The following CELSR3 variants were observed in gnomAD, a reference collection of about 807,000 sequenced individuals.
CELSR3 encodes the protein EGF-like protein 1.
A neutral mutation model predicts 270.0 loss-of-function variants in CELSR3; 73 were observed. That is an observed-to-expected ratio of 0.27 (90% confidence interval 0.22 to 0.33). The LOEUF (loss-of-function observed/expected upper bound fraction) is 0.33. Ranked by LOEUF, CELSR3 falls within the 10% of genes least tolerant of loss-of-function variation. The probability of loss-of-function intolerance (pLI) is 1.00; values close to 1 mark genes in which losing one functional copy is unlikely to be tolerated. For missense variants in CELSR3, 3,614 were observed against 4,533.8 expected (o/e 0.80, Z 5.83); for synonymous variants, 1,780 against 1,905.4 (o/e 0.93, Z 1.71).
rs776027153 is a variant in CELSR3, at chr3:48,653,181, G to A, written c.5455C>T (p.Arg1819Trp). 13 of 1,613,000 alleles carry A rather than the reference G, an allele frequency of 8.1e-6. No homozygotes were observed. The highest frequency in any genetic ancestry group is 6.6e-5 in the South Asian group (6 of 91,070). ...PHSTLLCQLD[R>W]GLLSVTVTRG... ...GTCACTGTCACAGACAGTAACCCCC[G>A]ATCTAGCTGTGGGCAGAGATGCATA... The change falls in exon 10 of 35, where the codon CGG becomes TGG. Residue 1819 changes from arginine (R) to tryptophan (W), a missense_variant. Coordinates refer to ENST00000164024, the MANE Select transcript of CELSR3 (RefSeq NM_001407.3). This position sits in a 1 kb window ranked among gnomAD's most constrained non-coding sequence, Gnocchi z 6.5.
rs1184321244 is a variant in CELSR3, at chr3:48,648,906, T to C, written c.6590A>G (p.Lys2197Arg). The change falls in exon 18 of 35, where the codon AAG becomes AGG. Residue 2197 changes from lysine to arginine, a missense_variant. Transcript: ENST00000164024. Reference sequence around the variant, plus strand: ...GGCCTCCATGGTATCCAGTGCCGTCTTGTTCAGCTCTAGGCCATCCAGCTG... The same window carrying C: ...GGCCTCCATGGTATCCAGTGCCGTCCTGTTCAGCTCTAGGCCATCCAGCTG... ...SLLLDGLELN[K>R]TALDTMEAKK... 6.2e-7 allele frequency: 1 copy of C among 1,612,838 alleles called. No individual in the cohort carries two copies. Among genetic ancestry groups the C allele is most frequent in the South Asian group, 1.1e-5 (1 of 91,082 alleles).
intron 16 of CELSR3, among the ~76,000 whole-genome samples, chr3:48,649,438 C>T (rs1476540416): frequency 6.6e-6 from 1 of 152,242 alleles, no homozygotes; most frequent in Non-Finnish European, 1.5e-5. Flanking sequence ...CCAGCAACCA[C>T]ACAAAGCACA....
chr3:48,661,751 G>A lies in CELSR3; in HGVS notation c.884C>T (p.Pro295Leu), dbSNP rs1481692948. The change falls in exon 1 of 35, where the codon CCC becomes CTC. Residue 295 changes from proline to leucine, a missense_variant. Transcript: ENST00000164024. Reference sequence around the variant, plus strand: ...TTCAGGACGGGCCGGGAGTCCCGGGGGACGCGGCCCGGGGCGCTGCGGGAG... The same window carrying A: ...TTCAGGACGGGCCGGGAGTCCCGGGAGACGCGGCCCGGGGCGCTGCGGGAG... ...RFLPQRPGPRPPGLPARPEAR... is the reference protein window; with the variant it reads ...RFLPQRPGPRLPGLPARPEAR... The A allele has an allele frequency of 6.3e-7, 1 of 1,586,214 alleles. No individual in the cohort carries two copies. The highest frequency in any genetic ancestry group is 1.3e-5 in the African/African-American group (1 of 74,086).
chr3:48,661,772 G>T lies in CELSR3; in HGVS notation c.863C>A (p.Pro288Gln). Residue 288 changes from proline to glutamine, a missense_variant, in exon 1 of 35, where the codon CCG becomes CAG. This residue lies in a region of CELSR3 where 470 missense variants were observed against 469.7 expected (regional missense o/e 1.00). Transcript: ENST00000164024. Reference sequence around the variant, plus strand: ...CGGGGGACGCGGCCCGGGGCGCTGCGGGAGGAAGCGGCAGCGGAAGAGACC... The same window carrying T: ...CGGGGGACGCGGCCCGGGGCGCTGCTGGAGGAAGCGGCAGCGGAAGAGACC... Reference protein sequence around the residue: ...SRGLFRCRFLPQRPGPRPPGL... With the variant: ...SRGLFRCRFLQQRPGPRPPGL... The T allele has an allele frequency of 1.3e-6, 2 of 1,599,886 alleles. No homozygotes were observed. The highest frequency in any genetic ancestry group is 1.7e-5 in the Admixed American group (1 of 58,180).
intron 28 of CELSR3, 59 bp from the exon 29 acceptor site, chr3:48,643,142 G>T (rs2047045367): frequency 9.0e-7 from 1 of 1,115,674 alleles, no homozygotes; most frequent in Non-Finnish European, 1.4e-6. Context: ...ACCAGTATAA[G>T]TCACTGTGGG....
Position 48,662,781 on chromosome 3 carries a change from G to T in CELSR3, c.-147C>A. ...TCTCTCCGCACCCCCGCCGCCCTCT[G>T]GGCACCATCTACTCCGCGGCCGGAG... On this transcript the variant is annotated 5_prime_UTR_variant, in exon 1 of 35. Coordinates refer to ENST00000164024, the MANE Select transcript of CELSR3 (RefSeq NM_001407.3). This position sits in a 1 kb window ranked among gnomAD's most constrained non-coding sequence, Gnocchi z 7.1. 1 of 308,658 alleles carries T rather than the reference G, an allele frequency of 3.2e-6. No homozygotes were observed. 19.1% of individuals were successfully genotyped at this position (308,658 alleles called of 1,614,324 possible). A position where few individuals can be genotyped will look rare whatever the true frequency, so the allele number is the denominator to read the frequency against.
At position 48,640,899 on chromosome 3, in the gene CELSR3, G is replaced by C; in HGVS notation, c.9026-340C>G. 2 of 432,386 alleles carry C rather than the reference G, an allele frequency of 4.6e-6. No homozygotes were observed. Among genetic ancestry groups the C allele is most frequent in the South Asian group, 7.5e-5 (2 of 26,798 alleles). 26.8% of individuals were successfully genotyped at this position (432,386 alleles called of 1,614,324 possible). On this transcript the variant is annotated intron_variant, in intron 33 of 34. Coordinates refer to ENST00000164024, the MANE Select transcript of CELSR3 (RefSeq NM_001407.3). This position sits in a 1 kb window ranked among gnomAD's most constrained non-coding sequence, Gnocchi z 7.5. ...CCTGGCTGAAATGCAGGAACCCCCC[G>C]GGTTGGACAGGAGCAGTCCCCAGGT...
chr3:48,653,664 G>A lies in CELSR3; in HGVS notation c.5403C>T (p.Val1801=), dbSNP rs1264584149. Residue 1801 remains valine (V), a synonymous_variant, in exon 9 of 35, where the codon GTC becomes GTT. Coordinates refer to ENST00000164024, the MANE Select transcript of CELSR3 (RefSeq NM_001407.3). This position sits in a 1 kb window ranked among gnomAD's most constrained non-coding sequence, Gnocchi z 6.5. ...LAFRTRATQG[V]LMQVQAGPHS... ...GTGGCCCAGCCTGCACTTGCATCAG[G>A]ACCCCCTGCGTTGCCCGTGTCCGAA... 1 of 1,614,032 alleles carries A rather than the reference G, an allele frequency of 6.2e-7. No individual in the cohort carries two copies. Among genetic ancestry groups the A allele is most frequent in the East Asian group, 2.2e-5 (1 of 44,900 alleles).
rs747975744 is a variant in CELSR3, at chr3:48,640,484, G to A, written c.9101C>T (p.Ala3034Val). ...RGAPELSWCRAATLGHRAVPA... is the reference protein window; with the variant it reads ...RGAPELSWCRVATLGHRAVPA... ...CACAGCACGGTGGCCCAAGGTGGCT[G>A]CACGGCACCAGGACAGCTCAGGGGC... Residue 3034 changes from alanine to valine, a missense_variant, in exon 34 of 35, where the codon GCA (alanine) becomes GTA (valine). Physicochemically the swap from Ala to Val is moderately conservative, Grantham distance 64. Around this residue, in one of 7 missense-constraint regions of CELSR3, gnomAD observed 1,240 missense variants for 1,351.7 expected, o/e 0.92. Coordinates refer to ENST00000164024, the MANE Select transcript of CELSR3 (RefSeq NM_001407.3). This position sits in a 1 kb window ranked among gnomAD's most constrained non-coding sequence, Gnocchi z 7.5. 6.2e-7 allele frequency: 1 copy of A among 1,612,152 alleles called. No individual in the cohort carries two copies. Among genetic ancestry groups the A allele is most frequent in the Admixed American group, 1.7e-5 (1 of 59,984 alleles).
At position 48,656,769 on chromosome 3, in the gene CELSR3, G is replaced by T; in HGVS notation, c.4328C>A (p.Pro1443Gln). The change falls in exon 2 of 35, where the codon CCA becomes CAA. Residue 1443 changes from proline (P) to glutamine (Q), a missense_variant. This residue lies in a region of CELSR3 where 1,331 missense variants were observed against 1,933.7 expected (regional missense o/e 0.69). Coordinates refer to ENST00000164024, the MANE Select transcript of CELSR3 (RefSeq NM_001407.3). ...CGCGCAGGCTCCGCCGTTGCGACAT[G>T]GGTTGGAGTAGCAGAGGTCGAGCTC... ...ETELDLCYSNPCRNGGACARR... is the reference protein window; with the variant it reads ...ETELDLCYSNQCRNGGACARR... The T allele has an allele frequency of 6.4e-7, 1 of 1,570,884 alleles. No individual in the cohort carries two copies. The highest frequency in any genetic ancestry group is 8.6e-7 in the Non-Finnish European group (1 of 1,158,698).
Position 48,652,890 on chromosome 3 carries a change from C to G in CELSR3, c.5634+112G>C. The stretch of plus-strand genomic sequence containing the variant: ...TGGTGGGGAACTAGGGGTAGAACAT[C>G]AGACTCAGTGCAGTGGAGGGAACTG... On this transcript the variant is annotated intron_variant, in intron 10 of 34. Transcript: ENST00000164024. This position sits in a 1 kb window ranked among gnomAD's most constrained non-coding sequence, Gnocchi z 4.3. The G allele has an allele frequency of 1.1e-6, 1 of 914,280 alleles. No individual in the cohort carries two copies. Among genetic ancestry groups the G allele is most frequent in the South Asian group, 1.5e-5 (1 of 65,208 alleles). The allele number at this position is 914,280 out of a possible 1,614,324, so 56.6% of individuals were successfully genotyped here.
chr3:48,655,271 C>T lies in CELSR3; in HGVS notation c.4830+35G>A. 4 of 1,614,070 alleles carry T rather than the reference C, an allele frequency of 2.5e-6. No homozygotes were observed. The highest frequency in any genetic ancestry group is 3.4e-6 in the Non-Finnish European group (4 of 1,179,950). ...TGAGGAGCAGAAGTCAGCATCCCAA[C>T]TCCCCTCATACCCGATGCCAGGGAT... On this transcript the variant is annotated intron_variant, in intron 5 of 34. Transcript: ENST00000164024. The surrounding 1 kb of genome is among the most constrained non-coding windows in gnomAD (Gnocchi z 5.8).
Position 48,653,793 on chromosome 3 carries a change from G to A in CELSR3, c.5279-5C>T, listed in dbSNP as rs1464125772. The A allele has an allele frequency of 5.0e-6, 8 of 1,613,714 alleles. No individual in the cohort carries two copies. The highest frequency in any genetic ancestry group is 1.6e-4 in the Middle Eastern group (1 of 6,082). ...AATGGTGGGGATGGGCCATAGCTGAGTGGATAAGAGAAACAGGGTTACAGC... is the reference window on the plus strand; with the variant it reads ...AATGGTGGGGATGGGCCATAGCTGAATGGATAAGAGAAACAGGGTTACAGC... On this transcript the variant is annotated splice_region_variant and splice_polypyrimidine_tract_variant and intron_variant, in intron 8 of 34. Coordinates refer to ENST00000164024, the MANE Select transcript of CELSR3 (RefSeq NM_001407.3). This position sits in a 1 kb window ranked among gnomAD's most constrained non-coding sequence, Gnocchi z 6.5.
In CELSR3 at chr3:48,661,176, C is replaced by T; in HGVS notation, c.1459G>A (p.Glu487Lys). 1 of 1,597,130 alleles carries T rather than the reference C, an allele frequency of 6.3e-7. No individual in the cohort carries two copies. The highest frequency in any genetic ancestry group is 8.5e-7 in the Non-Finnish European group (1 of 1,171,322). Reference protein sequence around the residue: ...AARAAAAAAFEIDPRSGLIST... With the variant: ...AARAAAAAAFKIDPRSGLIST... The stretch of plus-strand genomic sequence containing the variant: ...ATGAGGCCGGAGCGTGGATCAATCT[C>T]GAAGGCGGCGGCAGCTGCAGCGCGC... Residue 487 changes from glutamate (E) to lysine (K), a missense_variant, in exon 1 of 35, where the codon GAG (glutamate) becomes AAG (lysine). Glu to Lys is a moderately conservative substitution (Grantham distance 56). This residue lies in a region of CELSR3 where 354 missense variants were observed against 500.9 expected (regional missense o/e 0.71). Coordinates refer to ENST00000164024, the MANE Select transcript of CELSR3 (RefSeq NM_001407.3).
chr3:48,641,713 G>A lies in CELSR3; in HGVS notation c.8824+138C>T. 1 of 964,040 alleles carries A rather than the reference G, an allele frequency of 1.0e-6. No homozygotes were observed. The highest frequency in any genetic ancestry group is 1.5e-6 in the Non-Finnish European group (1 of 669,762). 59.7% of individuals were successfully genotyped at this position (964,040 alleles called of 1,614,324 possible). ...CTCCCCTTAACTGGAGGTGGACAGA[G>A]ACTAAAAGTTGGGGAACCTGATGAC... On this transcript the variant is annotated intron_variant, in intron 32 of 34. Coordinates refer to ENST00000164024, the MANE Select transcript of CELSR3 (RefSeq NM_001407.3). The surrounding 1 kb of genome is among the most constrained non-coding windows in gnomAD (Gnocchi z 4.8).
rs867258661 is a variant in CELSR3, at chr3:48,639,537, C to G, written c.9911+137G>C. On this transcript the variant is annotated intron_variant, in intron 34 of 34. Coordinates refer to ENST00000164024, the MANE Select transcript of CELSR3 (RefSeq NM_001407.3). The surrounding 1 kb of genome is among the most constrained non-coding windows in gnomAD (Gnocchi z 4.1). ...ATTCCTGTCCCCAGCCTGTGGCCCT[C>G]TGGCTGTGCTGAGCCTGGGGTAGCC... 6.7e-6 allele frequency: 8 copies of G among 1,187,742 alleles called. No individual in the cohort carries two copies. In the South Asian group the frequency reaches 8.9e-5, roughly 13 times the overall value. The allele number at this position is 1,187,742 out of a possible 1,614,324, so 73.6% of individuals were successfully genotyped here.
chr3:48,656,019 C>A (rs2047177647), intron 3 of CELSR3, 121 bp downstream of exon 3: 4 of 1,076,284 alleles, frequency 3.7e-6, no homozygotes, highest in Non-Finnish European at 5.1e-6. Flanking sequence ...AGACCCCGGG[C>A]GGGGCGTCAG....
Position 48,660,853 on chromosome 3 carries a change from G to A in CELSR3, c.1782C>T (p.Ala594=). 6.2e-7 allele frequency: 1 copy of A among 1,614,026 alleles called. No homozygotes were observed. The highest frequency in any genetic ancestry group is 1.1e-5 in the South Asian group (1 of 91,080). Residue 594 remains alanine (A), a synonymous_variant, in exon 1 of 35, where the codon GCC becomes GCT. Coordinates refer to ENST00000164024, the MANE Select transcript of CELSR3 (RefSeq NM_001407.3). The surrounding 1 kb of genome is among the most constrained non-coding windows in gnomAD (Gnocchi z 5.5). ...GGATCTCGCCAGTGAGGCTGTCGATGGCAAAGTGTCCACGGCTATTGCCAC... is the reference window on the plus strand; with the variant it reads ...GGATCTCGCCAGTGAGGCTGTCGATAGCAAAGTGTCCACGGCTATTGCCAC... The part of the protein sequence containing the change: ...IISGNSRGHF[A]IDSLTGEIQV...
In CELSR3 at chr3:48,654,029, C is replaced by T. The variant is rs747284159; in HGVS notation, c.5153-26G>A. 8 of 1,608,886 alleles carry T rather than the reference C, an allele frequency of 5.0e-6. No homozygotes were observed. The highest frequency in any genetic ancestry group is 6.8e-6 in the Non-Finnish European group (8 of 1,176,852). On this transcript the variant is annotated intron_variant, in intron 7 of 34. Coordinates refer to ENST00000164024, the MANE Select transcript of CELSR3 (RefSeq NM_001407.3). The surrounding 1 kb of genome is among the most constrained non-coding windows in gnomAD (Gnocchi z 5.4). Reference sequence around the variant, plus strand: ...CTGGGAGAGGAAAGCACATGGCGGACATGAGAACAAGGGTTGGGGGGCACA... The same window carrying T: ...CTGGGAGAGGAAAGCACATGGCGGATATGAGAACAAGGGTTGGGGGGCACA...
Sources: gnomAD v4.1 joint callset for allele counts (sites outside exome capture counted in the v4.1 genomes callset) on GRCh38, gnomAD v4.1.1 for gene constraint, gnomAD v4.1.1 regional missense constraint, Gnocchi (gnomAD v3.1) non-coding constraint, MANE v1.5 for transcripts, NCBI Gene and HGNC (gene_info 2026-07-23, HGNC 2026-07-21) for gene names.